The following EFCAB6 variants were observed in gnomAD, a reference collection of about 807,000 sequenced individuals.
EFCAB6 encodes the protein EF-hand calcium-binding domain-containing protein 6.
EFCAB6 carries 156 observed loss-of-function variants against 169.8 expected under a neutral mutation model. The ratio of observed to expected loss-of-function variants is 0.92; its 90% confidence interval spans 0.81 to 1.05. The LOEUF is 1.05. Among genes scored for constraint, EFCAB6 ranks in the 50% least tolerant of loss-of-function variants. The pLI, the probability that EFCAB6 is intolerant of heterozygous loss-of-function variation, is 0.00. For missense variants in EFCAB6, 1,800 were observed against 1,829.1 expected, an observed-to-expected ratio of 0.98 and a Z score of 0.29; for synonymous variants, 698 against 676.4, an observed-to-expected ratio of 1.03 and a Z score of -0.50.
intron 24 of EFCAB6, among the ~76,000 whole-genome samples, chr22:43,585,060 A>C (rs1197358009): frequency 6.6e-6 from 1 of 152,240 alleles, no homozygotes; most frequent in Non-Finnish European, 1.5e-5. Flanking sequence ...ACAACAACAA[A>C]AAGTACAATG....
At chr22:43,604,467 C>A in intron 22 of EFCAB6, among the ~76,000 whole-genome samples, 1 of 152,212 alleles carries the variant, frequency 6.6e-6, no homozygotes, top group East Asian at 1.9e-4. Flanking sequence ...ATCTCCAAGT[C>A]CAACTTCTTT....
intron 31 of EFCAB6, 140 bp from the exon 32 acceptor site, chr22:43,529,115 T>C (rs1459690098): frequency 2.0e-6 from 2 of 1,004,802 alleles, no homozygotes; most frequent in Non-Finnish European, 2.8e-6. Flanking sequence ...CTGTGCGCTC[T>C]CTCTATGCCC....
chr22:43,650,460 C>G (rs992987447), intron 17 of EFCAB6, among the ~76,000 whole-genome samples: 1 of 152,206 alleles, frequency 6.6e-6, no homozygotes, highest in African/African-American at 2.4e-5. Flanking sequence ...ACATGGAACT[C>G]TAAGTCCAGT....
Position 43,581,150 on chromosome 22 carries a change from T to TG in EFCAB6, c.3033-492dup, listed in dbSNP as rs995927821. On this transcript the variant is annotated intron_variant, in intron 24 of 31. Transcript: ENST00000262726. Reference sequence around the variant, plus strand: ...AGTGGTGGGAGAGCAGCAGTCTGGATGGGGGGCTCCTGGGGTCATGGAGGC... The same window carrying TG: ...AGTGGTGGGAGAGCAGCAGTCTGGATGGGGGGGCTCCTGGGGTCATGGAGGC... Among the ~76,000 whole-genome samples, 4 of 151,992 alleles carry TG rather than the reference T, an allele frequency of 2.6e-5. 1 individual carries two copies. In the East Asian group the frequency reaches 7.7e-4, roughly 29 times the overall value.
At chr22:43,737,890 C>T (rs1005277622) in intron 6 of EFCAB6, among the ~76,000 whole-genome samples, 2 of 151,416 alleles carry the variant, frequency 1.3e-5, no homozygotes, top group South Asian at 2.1e-4. Flanking sequence ...TACACTCACA[C>T]CATCACTCAC....
At chr22:43,633,911 C>T (rs2055177014) in intron 18 of EFCAB6, among the ~76,000 whole-genome samples, 1 of 152,214 alleles carries the variant, frequency 6.6e-6, no homozygotes, top group East Asian at 1.9e-4. Flanking sequence ...TCCCCCTGAC[C>T]CCTAGCAGGG....
chr22:43,729,348 C>T (rs1246587775), intron 8 of EFCAB6, among the ~76,000 whole-genome samples: 1 of 152,166 alleles, frequency 6.6e-6, no homozygotes, highest in Non-Finnish European at 1.5e-5. Context: ...CCTCCTGCCT[C>T]AGCCTCCCAA....
At chr22:43,751,947 G>A (rs535337034) in intron 6 of EFCAB6, among the ~76,000 whole-genome samples, 7 of 152,088 alleles carry the variant, frequency 4.6e-5, no homozygotes, top group East Asian at 3.9e-4. Context: ...CTCCTAGTAC[G>A]TGCTCAGTGC....
chr22:43,692,816 A>T (rs1217348623), intron 10 of EFCAB6, among the ~76,000 whole-genome samples: 2 of 152,180 alleles, frequency 1.3e-5, no homozygotes, highest in African/African-American at 4.8e-5. Flanking sequence ...GGACAGAAAA[A>T]AATATTTGAA....
At chr22:43,559,975 C>A (rs768190204) in intron 26 of EFCAB6, among the ~76,000 whole-genome samples, 1 of 152,128 alleles carries the variant, frequency 6.6e-6, no homozygotes, top group Non-Finnish European at 1.5e-5. Flanking sequence ...CACATGTATA[C>A]CTATGTAACA....
chr22:43,763,814 C>G (rs1010047743), intron 5 of EFCAB6, among the ~76,000 whole-genome samples: 11 of 152,024 alleles, frequency 7.2e-5, no homozygotes, highest in African/African-American at 2.7e-4. Context: ...CTTTGTCACC[C>G]AGGCTGGAGT....
intron 6 of EFCAB6, among the ~76,000 whole-genome samples, chr22:43,737,064 CCCCTCTG>C (rs1248429296): frequency 1.1e-4 from 17 of 152,198 alleles, no homozygotes; most frequent in Non-Finnish European, 1.9e-4. Flanking sequence ...ACTCCCTCCT[CCCCTCTG>C]CCCTCTCCTA....
chr22:43,631,948 C>A (rs537742161), intron 19 of EFCAB6, among the ~76,000 whole-genome samples, 157 bp downstream of exon 19: 1 of 150,612 alleles, frequency 6.6e-6, no homozygotes, highest in Non-Finnish European at 1.5e-5. Context: ...TCCCCACATG[C>A]CTCTCCCTGA....
At chr22:43,587,444 T>C (rs2051152693) in intron 24 of EFCAB6, among the ~76,000 whole-genome samples, 2 of 152,224 alleles carry the variant, frequency 1.3e-5, no homozygotes, top group Non-Finnish European at 2.9e-5. Flanking sequence ...AGTTCCCTGT[T>C]GTTGGCAGGA....
chr22:43,810,880 C>T lies in EFCAB6; in HGVS notation c.-145+1288G>A, dbSNP rs150992515. Reference sequence around the variant, plus strand: ...ATATCTTCACATATAATCAAAGGGGCCATTTCTGACTCACTTTCATATCCC... The same window carrying T: ...ATATCTTCACATATAATCAAAGGGGTCATTTCTGACTCACTTTCATATCCC... On this transcript the variant is annotated intron_variant, in intron 1 of 31. Transcript: ENST00000262726. 1.1e-3 allele frequency among the ~76,000 whole-genome samples: 172 copies of T among 152,208 alleles called. 1 individual carries two copies. In the East Asian group the frequency reaches 0.027, roughly 24 times the overall value.
At chr22:43,578,393 G>A (rs2050400946) in intron 25 of EFCAB6, among the ~76,000 whole-genome samples, 1 of 152,206 alleles carries the variant, frequency 6.6e-6, no homozygotes, top group Non-Finnish European at 1.5e-5. Context: ...GGTGTTGAGT[G>A]GATCTTTCAG....
chr22:43,746,308 A>G (rs963476110), intron 6 of EFCAB6, among the ~76,000 whole-genome samples: 4 of 152,152 alleles, frequency 2.6e-5, no homozygotes, highest in African/African-American at 4.8e-5. Flanking sequence ...AGATATCCAA[A>G]TAAGATCCAC....
intron 8 of EFCAB6, among the ~76,000 whole-genome samples, chr22:43,726,370 G>A (rs2059739493): frequency 6.6e-6 from 1 of 150,590 alleles, no homozygotes; most frequent in South Asian, 2.1e-4. Context: ...AATTTTGGTG[G>A]ATTAGCTCAT....
In EFCAB6 at chr22:43,580,488, C is replaced by T. The variant is rs1456719995; in HGVS notation, c.3204G>A (p.Glu1068=). ...CCGTGGACAAAGCCAGCTGGGAGGA[C>T]TCAACTACTTCCTGGATCTTCCTCA... The part of the protein sequence containing the change: ...EAVRKIQEVV[E]SSQLALSTAF... The change falls in exon 25 of 32, where the codon GAG becomes GAA. Residue 1068 remains glutamate (E), a synonymous_variant. Coordinates refer to ENST00000262726, the MANE Select transcript of EFCAB6 (RefSeq NM_022785.4). The T allele has an allele frequency of 6.2e-7, 1 of 1,614,000 alleles. No individual in the cohort carries two copies. The highest frequency in any genetic ancestry group is 1.7e-5 in the Admixed American group (1 of 60,000).
Sources: allele counts gnomAD v4.1 joint callset (sites outside exome capture counted in the v4.1 genomes callset), GRCh38; gene constraint gnomAD v4.1.1; transcripts MANE v1.5; gene names NCBI Gene and HGNC (gene_info 2026-07-23, HGNC 2026-07-21).